The following NRG3 variants were observed in gnomAD, a reference collection of about 807,000 sequenced individuals.
NRG3 encodes pro-neuregulin-3, membrane-bound isoform.
Under a neutral mutation model 66.9 loss-of-function variants are expected in NRG3, and 31 were observed. The ratio of observed to expected loss-of-function variants is 0.46; its 90% CI spans 0.35 to 0.63. NRG3 has a LOEUF of 0.63. NRG3 is among the 20% of genes least tolerant of loss of function. NRG3 has a pLI of 0.00. For synonymous variants in NRG3, 393 were observed against 359.4 expected (o/e 1.09, Z -1.06); for missense variants, 910 against 878.9 (o/e 1.04, Z -0.45).
At chr10:82,856,842 A>G (rs939544504) in intron 3 of NRG3, among the ~76,000 whole-genome samples, 1 of 152,146 alleles carries the variant, frequency 6.6e-6, no homozygotes, top group Non-Finnish European at 1.5e-5. Context: ...TTGATAAAAC[A>G]TGAGAAGATC....
At chr10:82,459,030 C>T (rs546255578) in intron 2 of NRG3, among the ~76,000 whole-genome samples, 5 of 152,132 alleles carry the variant, frequency 3.3e-5, no homozygotes, top group African/African-American at 1.2e-4. Context: ...ACACTGTAGC[C>T]AGAGCAGTTT....
At chr10:81,885,992 G>A (rs112587937) in intron 1 of NRG3, among the ~76,000 whole-genome samples, 1 of 151,976 alleles carries the variant, frequency 6.6e-6, no homozygotes, top group Non-Finnish European at 1.5e-5. Context: ...CTCTGTTTCT[G>A]GATTAAAAAA....
intron 2 of NRG3, among the ~76,000 whole-genome samples, chr10:82,570,463 T>A (rs1796119769): frequency 6.6e-6 from 1 of 151,662 alleles, no homozygotes; most frequent in Non-Finnish European, 1.5e-5. Flanking sequence ...CTTTTTTATA[T>A]CTCACATAAC....
intron 3 of NRG3, among the ~76,000 whole-genome samples, chr10:82,767,213 C>G (rs907157927): frequency 6.6e-6 from 1 of 151,922 alleles, no homozygotes; most frequent in Non-Finnish European, 1.5e-5. Context: ...ACCTTGTCTC[C>G]TGGAGCACCC....
chr10:82,178,881 A>G (rs2073223531), intron 1 of NRG3, among the ~76,000 whole-genome samples: 1 of 152,056 alleles, frequency 6.6e-6, no homozygotes, highest in Non-Finnish European at 1.5e-5. Flanking sequence ...TTTTGTCAAC[A>G]CTTGTTATTT....
chr10:82,753,771 A>G (rs2134973611), intron 3 of NRG3, among the ~76,000 whole-genome samples: 1 of 151,224 alleles, frequency 6.6e-6, no homozygotes, highest in East Asian at 2.0e-4. Flanking sequence ...ACATGGTGAA[A>G]CCCCGTCTTT....
chr10:82,680,586 C>T lies in NRG3; in HGVS notation c.954-57991C>T, dbSNP rs114880456. On this transcript the variant is annotated intron_variant, in intron 2 of 8. Coordinates refer to ENST00000372141, the MANE Select transcript of NRG3 (RefSeq NM_001010848.4). ...CCTTGTCATGATTTTAATCTTTATTCTCTGGACTTTTCCAGGAAGGACCAA... is the reference window on the plus strand; with the variant it reads ...CCTTGTCATGATTTTAATCTTTATTTTCTGGACTTTTCCAGGAAGGACCAA... Among the ~76,000 whole-genome samples, 202 of 152,264 alleles carry T rather than the reference C, an allele frequency of 1.3e-3. 1 individual carries two copies. The highest frequency in any genetic ancestry group is 4.7e-3 in the African/African-American group (194 of 41,568).
At chr10:82,683,579 A>T (rs1367949224) in intron 2 of NRG3, among the ~76,000 whole-genome samples, 1 of 152,228 alleles carries the variant, frequency 6.6e-6, no homozygotes, top group African/African-American at 2.4e-5. Flanking sequence ...TATTAAAGAA[A>T]TGGCTAAGGA....
At chr10:82,984,774 G>A (rs1853282672) in intron 8 of NRG3, 1 of 1,551,802 alleles carries the variant, frequency 6.4e-7, no homozygotes, top group Non-Finnish European at 8.7e-7. Context: ...CATTTACTTT[G>A]TATTCTAGGA....
chr10:82,441,665 G>A lies in NRG3; in HGVS notation c.953+82797G>A, dbSNP rs12264382. ...ATCCCCGCAAATCTTTAAGAAGAGG[G>A]ACAAAATTGGTTCCTAGATGGGGAA... On this transcript the variant is annotated intron_variant, in intron 2 of 8. Transcript: ENST00000372141. Among the ~76,000 whole-genome samples the A allele has an allele frequency of 6.0e-3, 906 of 152,232 alleles. 8 individuals are homozygous for A. The highest frequency in any genetic ancestry group is 0.021 in the African/African-American group (870 of 41,530).
At chr10:82,655,195 T>C (rs957122717) in intron 2 of NRG3, among the ~76,000 whole-genome samples, 1 of 152,088 alleles carries the variant, frequency 6.6e-6, no homozygotes, top group South Asian at 2.1e-4. Flanking sequence ...AAATGATTTG[T>C]ATACTTTCTT....
rs77401661 is a variant in NRG3, at chr10:82,186,078, T to A, written c.824-172661T>A. Reference sequence around the variant, plus strand: ...CTAAGTGTCTGTGTGGGCATGAAATTGTTAGGAATTGTTTTAGTGAATAAC... The same window carrying A: ...CTAAGTGTCTGTGTGGGCATGAAATAGTTAGGAATTGTTTTAGTGAATAAC... On this transcript the variant is annotated intron_variant, in intron 1 of 8. Transcript: ENST00000372141. Among the ~76,000 whole-genome samples, 1,062 of 152,278 alleles carry A rather than the reference T, an allele frequency of 7.0e-3. 67 individuals carry two copies. The East Asian group carries it at 0.14, about 20-fold the overall frequency.
chr10:82,179,657 G>A (rs2073281020), intron 1 of NRG3, among the ~76,000 whole-genome samples: 1 of 151,828 alleles, frequency 6.6e-6, no homozygotes, highest in Non-Finnish European at 1.5e-5. Context: ...TTTGTAATAT[G>A]TTTTGAAATT....
chr10:82,057,034 ATT>A (rs1344519269), intron 1 of NRG3, among the ~76,000 whole-genome samples: 3 of 152,002 alleles, frequency 2.0e-5, no homozygotes, highest in Non-Finnish European at 2.9e-5. Flanking sequence ...CCAAATAATC[ATT>A]GTCTTTATTT....
At chr10:82,547,043 A>G (rs2043963190) in intron 2 of NRG3, among the ~76,000 whole-genome samples, 1 of 152,168 alleles carries the variant, frequency 6.6e-6, no homozygotes, top group African/African-American at 2.4e-5. Context: ...CCAAAAGATT[A>G]AGCAATCTAT....
chr10:82,028,118 T>G (rs2062400640), intron 1 of NRG3, among the ~76,000 whole-genome samples: 1 of 152,076 alleles, frequency 6.6e-6, no homozygotes, highest in Non-Finnish European at 1.5e-5. Context: ...TAAGTGAAAT[T>G]CTGAAGTACT....
In NRG3 at chr10:82,895,600, C is replaced by T. The variant is rs559986758; in HGVS notation, c.1054+30163C>T. ...CTGCCTCCCAGGTTCACGCCATTCT[C>T]CTGCCTCAGCCTCCCGAGCAGCTGG... On this transcript the variant is annotated intron_variant, in intron 4 of 8. Coordinates refer to ENST00000372141, the MANE Select transcript of NRG3 (RefSeq NM_001010848.4). 3.6e-4 allele frequency among the ~76,000 whole-genome samples: 55 copies of T among 150,942 alleles called. No individual in the cohort carries two copies. The South Asian group carries it at 8.4e-3, about 23-fold the overall frequency.
chr10:82,361,421 T>A (rs1267081703), intron 2 of NRG3, among the ~76,000 whole-genome samples: 2 of 152,236 alleles, frequency 1.3e-5, no homozygotes, highest in Non-Finnish European at 2.9e-5. Flanking sequence ...ATGTGCCTGC[T>A]ATTCATCTCT....
chr10:82,018,533 C>T (rs574628012), intron 1 of NRG3, among the ~76,000 whole-genome samples: 1 of 152,262 alleles, frequency 6.6e-6, no homozygotes, highest in East Asian at 1.9e-4. Context: ...GGCAGCATGG[C>T]CATTTTCATG....
Sources: allele counts gnomAD v4.1 joint callset (sites outside exome capture counted in the v4.1 genomes callset), GRCh38; gene constraint gnomAD v4.1.1; transcripts MANE v1.5; gene names NCBI Gene and HGNC (gene_info 2026-07-23, HGNC 2026-07-21).